PLD1: variants seen among roughly 807,000 people sequenced by gnomAD.
PLD1 encodes phospholipase D1, also known as choline phosphatase 1.
Under a neutral mutation model 137.1 loss-of-function variants are expected in PLD1, and 112 were observed. That is an observed-to-expected ratio of 0.82 (90% CI 0.70 to 0.96). The LOEUF is 0.96. Ranked by LOEUF, PLD1 falls within the 40% of genes least tolerant of loss-of-function variation. The probability of loss-of-function intolerance (pLI) is 0.00; values close to 1 mark genes in which losing one functional copy is unlikely to be tolerated. For synonymous variants in PLD1, 431 were observed against 454.7 expected (o/e 0.95, Z 0.66); for missense variants, 1,321 against 1,342.0 (o/e 0.98, Z 0.24).
At chr3:171,644,119 C>T (rs866219446) in intron 22 of PLD1, among the ~76,000 whole-genome samples, 26 of 152,206 alleles carry the variant, frequency 1.7e-4, no homozygotes, top group African/African-American at 6.0e-4. Flanking sequence ...AAGTATCATT[C>T]GTCCTCTCCC....
chr3:171,621,343 TG>T (rs1213744439), intron 23 of PLD1, among the ~76,000 whole-genome samples: 1 of 152,170 alleles, frequency 6.6e-6, no homozygotes, highest in Non-Finnish European at 1.5e-5. Context: ...GCAGTTGTCT[TG>T]GATAAGCAAG....
intron 1 of PLD1, among the ~76,000 whole-genome samples, chr3:171,752,858 T>C (rs1720756095): frequency 6.6e-6 from 1 of 152,212 alleles, no homozygotes; most frequent in East Asian, 1.9e-4. Flanking sequence ...CATACAACTT[T>C]TAGACTGAAG....
intron 12 of PLD1, among the ~76,000 whole-genome samples, chr3:171,695,767 T>A (rs1283922623): frequency 1.1e-5 from 1 of 93,768 alleles, no homozygotes; most frequent in Non-Finnish European, 1.9e-5. Flanking sequence ...GGATGCTCAC[T>A]AATGTTTTTG....
At position 171,602,855 on chromosome 3, in the gene PLD1, G is replaced by A. The variant is rs1331765633; in HGVS notation, c.*223C>T. Reference sequence around the variant, plus strand: ...CAGAGTACATGCTACCAACAAGAATGCAGCCCCCTTTTTACAAGTTAGGCA... The same window carrying A: ...CAGAGTACATGCTACCAACAAGAATACAGCCCCCTTTTTACAAGTTAGGCA... On this transcript the variant is annotated 3_prime_UTR_variant, in exon 27 of 27. Coordinates refer to ENST00000351298, the MANE Select transcript of PLD1 (RefSeq NM_002662.5). 1.8e-6 allele frequency: 1 copy of A among 564,464 alleles called. No homozygotes were observed. The highest frequency in any genetic ancestry group is 3.2e-6 in the Non-Finnish European group (1 of 316,528). 35.0% of individuals were successfully genotyped at this position (564,464 alleles called of 1,614,324 possible).
intron 23 of PLD1, among the ~76,000 whole-genome samples, chr3:171,636,005 G>T (rs1735098800): frequency 1.8e-4 from 9 of 49,590 alleles, no homozygotes; most frequent in East Asian, 4.8e-4. Flanking sequence ...TTTGCAAGTG[G>T]ATATCTAGTT....
At chr3:171,710,578 T>C (rs1322577600) in intron 9 of PLD1, among the ~76,000 whole-genome samples, 1 of 152,170 alleles carries the variant, frequency 6.6e-6, no homozygotes, top group Middle Eastern at 3.2e-3. Context: ...CAGGTGGTAA[T>C]GCTCCCTCGC....
intron 21 of PLD1, among the ~76,000 whole-genome samples, chr3:171,648,809 C>A (rs1273985847): frequency 1.3e-5 from 2 of 152,184 alleles, no homozygotes; most frequent in Non-Finnish European, 2.9e-5. Context: ...CCGCCTCGGC[C>A]TCCCAAAGTG....
At chr3:171,618,366 A>C (rs889775390) in intron 24 of PLD1, among the ~76,000 whole-genome samples, 1 of 152,260 alleles carries the variant, frequency 6.6e-6, no homozygotes, top group Non-Finnish European at 1.5e-5. Flanking sequence ...ACTTCATGTA[A>C]AGTAAACGAG....
intron 6 of PLD1, among the ~76,000 whole-genome samples, chr3:171,726,841 C>T (rs1420782834): frequency 1.3e-5 from 2 of 152,140 alleles, no homozygotes; most frequent in East Asian, 3.9e-4. Flanking sequence ...GCAGGTGCTA[C>T]TTTTCCCATT....
At chr3:171,751,561 C>A (rs1720660454) in intron 1 of PLD1, among the ~76,000 whole-genome samples, 1 of 152,182 alleles carries the variant, frequency 6.6e-6, no homozygotes, top group Admixed American at 6.5e-5. Context: ...CTCAACCTTT[C>A]CAGTAATCAG....
chr3:171,777,225 A>C (rs1466358133), intron 1 of PLD1, among the ~76,000 whole-genome samples: 1 of 152,224 alleles, frequency 6.6e-6, no homozygotes, highest in Non-Finnish European at 1.5e-5. Context: ...CCTTGTAATC[A>C]GTCACCTAAA....
chr3:171,760,064 A>C (rs888881647), intron 1 of PLD1, among the ~76,000 whole-genome samples: 1 of 152,234 alleles, frequency 6.6e-6, no homozygotes, highest in Non-Finnish European at 1.5e-5. Flanking sequence ...TAATGAAAGG[A>C]GGTTTTAGTA....
At position 171,750,477 on chromosome 3, in the gene PLD1, T is replaced by A. The variant is rs543243049; in HGVS notation, c.-31-12395A>T. ...AGAGAAAATGGGGCAGAAAAAAAAA[T>A]GTGTAAAGAAATAATGATAAAAAAT... On this transcript the variant is annotated intron_variant, in intron 1 of 26. Coordinates refer to ENST00000351298, the MANE Select transcript of PLD1 (RefSeq NM_002662.5). Among the ~76,000 whole-genome samples the A allele has an allele frequency of 3.3e-3, 490 of 148,914 alleles. 1 individual carries two copies. Among genetic ancestry groups the A allele is most frequent in the African/African-American group, 0.011 (465 of 40,630 alleles).
chr3:171,739,313 G>A (rs566350189), intron 1 of PLD1, among the ~76,000 whole-genome samples: 39 of 152,256 alleles, frequency 2.6e-4, no homozygotes, highest in African/African-American at 7.7e-4. Flanking sequence ...AATGAGTCTC[G>A]AAAACCTATA....
At chr3:171,624,358 G>C (rs889980259) in intron 23 of PLD1, among the ~76,000 whole-genome samples, 1 of 152,018 alleles carries the variant, frequency 6.6e-6, no homozygotes, top group Non-Finnish European at 1.5e-5. Flanking sequence ...AAAATAAAAA[G>C]TACGACAACA....
At chr3:171,606,089 G>A (rs563352200) in intron 25 of PLD1, among the ~76,000 whole-genome samples, 1 of 152,338 alleles carries the variant, frequency 6.6e-6, no homozygotes, top group East Asian at 1.9e-4. Flanking sequence ...CATAATCCAG[G>A]TGAGGTATGA....
At chr3:171,783,805 A>G (rs1019654209) in intron 1 of PLD1, among the ~76,000 whole-genome samples, 2 of 151,964 alleles carry the variant, frequency 1.3e-5, no homozygotes, top group African/African-American at 4.8e-5. Flanking sequence ...ATCACACTCG[A>G]CTAATTTTTG....
intron 26 of PLD1, among the ~76,000 whole-genome samples, chr3:171,604,500 G>C (rs1178378276): frequency 1.3e-5 from 2 of 151,860 alleles, no homozygotes; most frequent in Non-Finnish European, 2.9e-5. Flanking sequence ...GAAGAACACA[G>C]ACTTATCCAA....
intron 25 of PLD1, 97 bp from the exon 26 acceptor site, chr3:171,605,513 T>G: frequency 5.4e-6 from 4 of 738,006 alleles, no homozygotes; most frequent in Non-Finnish European, 9.7e-6. Flanking sequence ...TGCAAATATA[T>G]ATATGCAAAT....
Sources: allele counts gnomAD v4.1 joint callset (sites outside exome capture counted in the v4.1 genomes callset), GRCh38; gene constraint gnomAD v4.1.1; transcripts MANE v1.5; gene names NCBI Gene and HGNC (gene_info 2026-07-23, HGNC 2026-07-21).